NFYA: variants seen among roughly 807,000 people sequenced by gnomAD.
The protein encoded by NFYA is nuclear transcription factor Y subunit alpha, also known as CAAT-box DNA binding protein subunit A.
NFYA carries 28 observed loss-of-function variants against 52.8 expected under a neutral mutation model. The observed-to-expected ratio is 0.53, with a 90% CI of 0.39 to 0.73. The LOEUF is 0.73. NFYA is among the 30% of genes least tolerant of loss of function. The pLI is 0.00. For synonymous variants in NFYA, 150 were observed against 150.7 expected (o/e 1.00, Z 0.03); for missense variants, 234 against 427.0 (o/e 0.55, Z 3.98).
At chr6:41,092,068 T>C (rs1764211643) in intron 7 of NFYA, among the ~76,000 whole-genome samples, 1 of 152,038 alleles carries the variant, frequency 6.6e-6, no homozygotes, top group Non-Finnish European at 1.5e-5. Context: ...TTGTAATTGA[T>C]AGAGAAACCA....
intron 6 of NFYA, among the ~76,000 whole-genome samples, chr6:41,090,987 G>T (rs919264469): frequency 6.6e-6 from 1 of 152,212 alleles, no homozygotes; most frequent in African/African-American, 2.4e-5. Flanking sequence ...CTAACTGTGT[G>T]CTCTTGTATT....
At chr6:41,093,627 C>T (rs529195892) in intron 8 of NFYA, among the ~76,000 whole-genome samples, 5 of 152,252 alleles carry the variant, frequency 3.3e-5, no homozygotes, top group African/African-American at 9.6e-5. Context: ...TGCGCCACCA[C>T]GCCCAGCTTA....
intron 6 of NFYA, 37 bp from the exon 7 acceptor site, chr6:41,091,491 C>CT (rs747819155): frequency 4.4e-6 from 7 of 1,603,120 alleles, no homozygotes; most frequent in Non-Finnish European, 8.5e-7. Flanking sequence ...TTCTGTGTGC[C>CT]TGTTTTTTGT....
chr6:41,093,913 G>A (rs1341932311), intron 8 of NFYA, among the ~76,000 whole-genome samples: 1 of 152,192 alleles, frequency 6.6e-6, no homozygotes, highest in African/African-American at 2.4e-5. Context: ...AGTCCTACTT[G>A]GAAGGCAGAG....
intron 3 of NFYA, among the ~76,000 whole-genome samples, chr6:41,083,532 G>T (rs1763964798): frequency 6.6e-6 from 1 of 152,086 alleles, no homozygotes; most frequent in African/African-American, 2.4e-5. Flanking sequence ...GGGAAAAAAG[G>T]GTCATCCTCT....
At chr6:41,090,894 AGTTAAAT>A (rs1247068288) in intron 6 of NFYA, among the ~76,000 whole-genome samples, 2 of 152,254 alleles carry the variant, frequency 1.3e-5, no homozygotes, top group African/African-American at 4.8e-5. Context: ...TTAGTCAAAT[AGTTAAAT>A]CAAAAAAGGA....
intron 2 of NFYA, among the ~76,000 whole-genome samples, chr6:41,079,434 A>G (rs1763847700): frequency 6.6e-6 from 1 of 152,182 alleles, no homozygotes; most frequent in Non-Finnish European, 1.5e-5. Context: ...TTGGACTTTA[A>G]AATTTTTCTG....
chr6:41,097,864 T>TTCA lies in NFYA; in HGVS notation c.*454_*455insTCA, dbSNP rs1764402995. ...GGGAATCTCACACTGACTAACTGAA[T>TTCA]GGACGCTTTGTATTCAGAGATGGCT... On this transcript the variant is annotated 3_prime_UTR_variant, in exon 10 of 10. Transcript: ENST00000341376. 6.4e-6 allele frequency: 1 copy of TTCA among 155,414 alleles called. No homozygotes were observed. The allele number at this position is 155,414 out of a possible 1,614,324, so 9.6% of individuals were successfully genotyped here. A position where few individuals can be genotyped will look rare whatever the true frequency, so the allele number is the denominator to read the frequency against.
intron 4 of NFYA, among the ~76,000 whole-genome samples, chr6:41,089,267 A>G (rs919539891): frequency 6.6e-6 from 1 of 152,212 alleles, no homozygotes; most frequent in Non-Finnish European, 1.5e-5. Context: ...TACAGGCGTG[A>G]GCCACCACAC....
Position 41,091,685 on chromosome 6 carries a change from G to T in NFYA, c.705G>T (p.Gly235=). 1 of 1,610,446 alleles carries T rather than the reference G, an allele frequency of 6.2e-7. No individual in the cohort carries two copies. The highest frequency in any genetic ancestry group is 8.5e-7 in the Non-Finnish European group (1 of 1,178,908). Residue 235 remains glycine, a synonymous_variant, in exon 7 of 10, where the codon GGG becomes GGT. Transcript: ENST00000341376. ...CAGGCAATGTGGTCAATTCAGGAGG[G>T]ATGGTCATGGTAAGAAAATGTATTT... ...PVAGNVVNSG[G]MVMMVPGAGS...
intron 4 of NFYA, among the ~76,000 whole-genome samples, chr6:41,089,330 C>G (rs1764136020): frequency 1.3e-5 from 2 of 152,288 alleles, no homozygotes; most frequent in Admixed American, 1.3e-4. Context: ...TATAATCATA[C>G]CACTGCTATC....
rs1561858030 is a variant in NFYA at position 41,097,963 on chromosome 6, A to G, written c.*553A>G. The G allele has an allele frequency of 6.5e-6, 1 of 152,886 alleles. No individual in the cohort carries two copies. The highest frequency in any genetic ancestry group is 1.5e-5 in the Non-Finnish European group (1 of 68,218). 9.5% of individuals were successfully genotyped at this position (152,886 alleles called of 1,614,324 possible). Reference sequence around the variant, plus strand: ...AGATACATTCTTCCAATCTGTGGTAATAATAAGAATTCCTCTCTGCCCAGA... The same window carrying G: ...AGATACATTCTTCCAATCTGTGGTAGTAATAAGAATTCCTCTCTGCCCAGA... On this transcript the variant is annotated 3_prime_UTR_variant, in exon 10 of 10. Coordinates refer to ENST00000341376, the MANE Select transcript of NFYA (RefSeq NM_002505.5).
rs774756385 is a variant in NFYA at position 41,102,356 on chromosome 6, G to A, written c.*4946G>A. Among the ~76,000 whole-genome samples the A allele has an allele frequency of 2.4e-4, 37 of 152,078 alleles. 1 individual carries two copies. The highest frequency in any genetic ancestry group is 2.4e-3 in the Admixed American group (36 of 15,270). ...GGGGCAGGAGGAGCTAATTTCCTTT[G>A]CACATTTGTATTTTATTTCAAAATA... On this transcript the variant is annotated 3_prime_UTR_variant, in exon 10 of 10. Coordinates refer to ENST00000341376, the MANE Select transcript of NFYA (RefSeq NM_002505.5).
At chr6:41,080,718 C>A in intron 2 of NFYA, 93 bp from the exon 3 acceptor site, 1 of 1,019,194 alleles carries the variant, frequency 9.8e-7, no homozygotes. Flanking sequence ...TTCAGGCTTC[C>A]GTCTCTCTCC....
chr6:41,094,585 C>T, intron 9 of NFYA, 88 bp downstream of exon 9: 1 of 956,488 alleles, frequency 1.0e-6, no homozygotes, highest in East Asian at 2.5e-5. Flanking sequence ...TTGCTATTTT[C>T]CTACTCTGGG....
Position 41,091,724 on chromosome 6 carries a change from T to C in NFYA, c.714+30T>C, listed in dbSNP as rs765609132. On this transcript the variant is annotated intron_variant, in intron 7 of 9. Transcript: ENST00000341376. ...GAAAATGTATTTTTCAGCTTTGTCT[T>C]TGAAATTTTCTTGAACATGCAACTT... 1.3e-5 allele frequency: 21 copies of C among 1,601,166 alleles called. No homozygotes were observed. In the Admixed American group the frequency reaches 2.9e-4, roughly 22 times the overall value.
rs1232999293 is a variant in NFYA, at chr6:41,099,890, CA to C, written c.*2481del. 3 of 151,938 alleles carry C rather than the reference CA, an allele frequency of 2.0e-5. No individual in the cohort carries two copies. Among genetic ancestry groups the C allele is most frequent in the African/African-American group, 7.3e-5 (3 of 41,334 alleles). The allele number at this position is 151,938 out of a possible 1,614,324, so 9.4% of individuals were successfully genotyped here. ...TCAACTATATCGAAGGTTTTTCCCC[CA>C]GCAGTATGGGGGCGTACAGGTGATC... On this transcript the variant is annotated 3_prime_UTR_variant, in exon 10 of 10. Transcript: ENST00000341376.
Position 41,097,502 on chromosome 6 carries a change from T to A in NFYA, c.*92T>A, listed in dbSNP as rs938043723. ...TTCCAATGGGACATTGATGATCACA[T>A]TCTGCCCTTTACTACAGGACAGAAA... On this transcript the variant is annotated 3_prime_UTR_variant, in exon 10 of 10. Transcript: ENST00000341376. 27 of 1,363,446 alleles carry A rather than the reference T, an allele frequency of 2.0e-5. No homozygotes were observed. The highest frequency in any genetic ancestry group is 2.7e-5 in the Non-Finnish European group (26 of 960,370). The allele number at this position is 1,363,446 out of a possible 1,614,324, so 84.5% of individuals were successfully genotyped here.
intron 1 of NFYA, among the ~76,000 whole-genome samples, chr6:41,074,024 A>G (rs1195268209): frequency 2.0e-5 from 3 of 151,760 alleles, no homozygotes; most frequent in Non-Finnish European, 4.4e-5. Flanking sequence ...GAGGCTGCAC[A>G]ACTTGCTGTT....
Sources: allele counts gnomAD v4.1 joint callset (sites outside exome capture counted in the v4.1 genomes callset), GRCh38; gene constraint gnomAD v4.1.1; transcripts MANE v1.5; gene names NCBI Gene and HGNC (gene_info 2026-07-23, HGNC 2026-07-21).